UGT2B7: variants seen among roughly 807,000 people sequenced by gnomAD.
The protein encoded by UGT2B7 is UDP-glucuronosyltransferase 2B7.
Under a neutral mutation model 51.9 loss-of-function variants are expected in UGT2B7, and 51 were observed. That is an observed-to-expected ratio of 0.98 (90% CI 0.78 to 1.24). The LOEUF (loss-of-function observed/expected upper bound fraction) is 1.24. Ranked by LOEUF, UGT2B7 falls within the 50% of genes most tolerant of loss-of-function variation. UGT2B7 has a pLI of 0.00. For synonymous variants in UGT2B7, 225 were observed against 211.6 expected (o/e 1.06, Z -0.55); for missense variants, 727 against 628.4 (o/e 1.16, Z -1.68).
At chr4:69,071,068 AT>A (rs550094587) in intron 1 of UGT2B7, among the ~76,000 whole-genome samples, 102 of 152,208 alleles carry the variant, frequency 6.7e-4, no homozygotes, top group African/African-American at 2.2e-3. Flanking sequence ...TTGAGTTACT[AT>A]TTTTGCTTTA....
chr4:69,056,518 T>G (rs1460231443), intron 1 of UGT2B7, among the ~76,000 whole-genome samples: 2 of 152,200 alleles, frequency 1.3e-5, no homozygotes, highest in African/African-American at 2.4e-5. Flanking sequence ...GTTGAGGATA[T>G]AGTTAAAGAC....
At chr4:69,053,744 A>C (rs911869018) in intron 1 of UGT2B7, among the ~76,000 whole-genome samples, 5 of 152,156 alleles carry the variant, frequency 3.3e-5, no homozygotes, top group African/African-American at 1.2e-4. Context: ...AGTGAGCTTA[A>C]GAATTTTCGA....
rs1374767229 is a variant in UGT2B7 at position 69,060,980 on chromosome 4, A to G, written c.-159+9378A>G. Among the ~76,000 whole-genome samples, 3 of 152,138 alleles carry G rather than the reference A, an allele frequency of 2.0e-5. No homozygotes were observed. In the South Asian group the frequency reaches 6.2e-4, roughly 32 times the overall value. ...GATGAAGTGTTCTCAAGCCAGAGAG[A>G]TCTGACAGATCGGCCCCTCGGAGAC... is the stretch of plus-strand genomic sequence containing the variant. On this transcript the variant is annotated intron_variant, in intron 1 of 5. Coordinates refer to the UGT2B7 transcript ENST00000502942.
At chr4:69,073,435 T>C (rs1718641004) in intron 1 of UGT2B7, among the ~76,000 whole-genome samples, 1 of 152,160 alleles carries the variant, frequency 6.6e-6, no homozygotes, top group African/African-American at 2.4e-5. Flanking sequence ...AGAGACTTTA[T>C]TTAAGGATGA....
chr4:69,059,384 G>C (rs1326305913), intron 1 of UGT2B7, among the ~76,000 whole-genome samples: 1 of 152,204 alleles, frequency 6.6e-6, no homozygotes. Flanking sequence ...TTGCTGGGAA[G>C]AGACCTACTT....
chr4:69,078,334 CCT>C (rs1259186980), intron 1 of UGT2B7, among the ~76,000 whole-genome samples: 1 of 152,022 alleles, frequency 6.6e-6, no homozygotes, highest in Non-Finnish European at 1.5e-5. Context: ...GGGAGGACTC[CCT>C]CTTTTTCTAT....
At chr4:69,094,379 ACCTCGTGATCCGCCCG>A (rs902450239), upstream of UGT2B7, among the ~76,000 whole-genome samples, 12 of 29,556 alleles carry the variant, frequency 4.1e-4, 4 homozygotes, top group African/African-American at 3.4e-3. Context: ...CGATCTCCTG[ACCTCGTGATCCGCCCG>A]CCTCGGCCTC....
chr4:69,070,809 A>C (rs533660444), intron 1 of UGT2B7, among the ~76,000 whole-genome samples: 2 of 152,138 alleles, frequency 1.3e-5, no homozygotes, highest in Non-Finnish European at 2.9e-5. Flanking sequence ...AATCCATGAC[A>C]TAGTGCACAT....
intron 1 of UGT2B7, among the ~76,000 whole-genome samples, chr4:69,062,128 T>C (rs1232945999): frequency 6.6e-6 from 1 of 152,094 alleles, no homozygotes; most frequent in Non-Finnish European, 1.5e-5. Context: ...ATGGAGCACA[T>C]GAACCAGATA....
intron 3 of UGT2B7, 104 bp downstream of exon 3, chr4:69,103,042 A>G: frequency 1.3e-6 from 2 of 1,523,692 alleles, no homozygotes; most frequent in South Asian, 1.3e-5. Flanking sequence ...AGTTGACCAA[A>G]AGTTGAAAAA....
chr4:69,066,228 GT>G (rs1416735807), intron 1 of UGT2B7, among the ~76,000 whole-genome samples: 1 of 152,146 alleles, frequency 6.6e-6, no homozygotes, highest in East Asian at 1.9e-4. Flanking sequence ...ATGTAAACTT[GT>G]GTCATGGGGG....
chr4:69,061,362 T>A (rs902688154), intron 1 of UGT2B7, among the ~76,000 whole-genome samples: 5 of 152,178 alleles, frequency 3.3e-5, no homozygotes, highest in Non-Finnish European at 5.9e-5. Flanking sequence ...TAATGCACTG[T>A]AGGCAAAAGG....
intron 2 of UGT2B7, among the ~76,000 whole-genome samples, chr4:69,100,371 A>G (rs955643985): frequency 6.6e-5 from 10 of 152,062 alleles, no homozygotes; most frequent in Admixed American, 5.3e-4. Flanking sequence ...TATATTTTAA[A>G]TTAATATCAC....
chr4:69,090,614 C>G (rs1719064954), intron 2 of UGT2B7, among the ~76,000 whole-genome samples: 1 of 152,096 alleles, frequency 6.6e-6, no homozygotes, highest in Non-Finnish European at 1.5e-5. Context: ...AAAGACTCAT[C>G]CCCATGATTC....
intron 1 of UGT2B7, among the ~76,000 whole-genome samples, chr4:69,083,401 G>T (rs771294993): frequency 1.8e-4 from 28 of 152,034 alleles, no homozygotes; most frequent in Admixed American, 1.7e-3. Context: ...AAGTAATTTA[G>T]TGTATTAGAA....
At chr4:69,066,046 A>G (rs528489567) in intron 1 of UGT2B7, among the ~76,000 whole-genome samples, 4 of 152,320 alleles carry the variant, frequency 2.6e-5, no homozygotes, top group South Asian at 4.1e-4. Context: ...AGTTCTCATT[A>G]CTTAACTTGT....
At chr4:69,066,741 CT>C (rs1273733548) in intron 1 of UGT2B7, among the ~76,000 whole-genome samples, 3 of 151,946 alleles carry the variant, frequency 2.0e-5, no homozygotes, top group Admixed American at 6.6e-5. Context: ...GTGTAGTTAC[CT>C]TTCACAAAAT....
chr4:69,095,152 G>A (rs886778009), upstream of UGT2B7, among the ~76,000 whole-genome samples: 2 of 152,126 alleles, frequency 1.3e-5, no homozygotes, highest in African/African-American at 4.8e-5. Flanking sequence ...ACACTGAGAC[G>A]TCAGATTTGG....
At chr4:69,054,632 G>C (rs559549382) in intron 1 of UGT2B7, among the ~76,000 whole-genome samples, 2 of 151,894 alleles carry the variant, frequency 1.3e-5, no homozygotes, top group African/African-American at 4.8e-5. Flanking sequence ...CCCAACCTCC[G>C]AGACAATCCT....
Sources: gnomAD v4.1 joint callset for allele counts (sites outside exome capture counted in the v4.1 genomes callset) on GRCh38, gnomAD v4.1.1 for gene constraint, MANE v1.5 for transcripts, NCBI Gene and HGNC (gene_info 2026-07-23, HGNC 2026-07-21) for gene names.